SLC25A38: variants seen among roughly 807,000 people sequenced by gnomAD.
SLC25A38 encodes solute carrier family 25 member 38, also known as mitochondrial glycine transporter.
In SLC25A38, 27 loss-of-function variants were observed where a neutral mutation model predicts 33.4. The observed-to-expected ratio is 0.81, with a 90% CI of 0.60 to 1.11. The LOEUF (loss-of-function observed/expected upper bound fraction) is 1.11, where lower values mean the gene tolerates loss of function less well. Ranked by LOEUF, SLC25A38 falls within the 50% of genes most tolerant of loss-of-function variation. The pLI, the probability that SLC25A38 is intolerant of heterozygous loss-of-function variation, is 0.00. For missense variants in SLC25A38, 344 were observed against 388.8 expected (o/e 0.88, Z 0.97); for synonymous variants, 123 against 145.9 (o/e 0.84, Z 1.13).
intron 6 of SLC25A38, among the ~76,000 whole-genome samples, 164 bp downstream of exon 6, chr3:39,394,740 T>A (rs970355195): frequency 6.6e-6 from 1 of 151,564 alleles, no homozygotes; most frequent in Non-Finnish European, 1.5e-5. Flanking sequence ...CTAGTGAGAT[T>A]TTTTTTTTAA....
chr3:39,396,211 GA>G lies in SLC25A38; in HGVS notation c.793-175del, dbSNP rs34894781. ...GGCGACAGAGCCAGACTCTGCCTCG[GA>G]AAAAAAAAAAATTTTTTTTAAGTTC... On this transcript the variant is annotated intron_variant, in intron 6 of 6. Coordinates refer to ENST00000650617, the MANE Select transcript of SLC25A38 (RefSeq NM_017875.4). Among the ~76,000 whole-genome samples the G allele has an allele frequency of 0.012, 1,835 of 148,666 alleles. 37 individuals are homozygous for G. The highest frequency in any genetic ancestry group is 0.043 in the African/African-American group (1,748 of 40,510).
At chr3:39,387,369 G>A (rs1449821261) in intron 1 of SLC25A38, among the ~76,000 whole-genome samples, 1 of 152,230 alleles carries the variant, frequency 6.6e-6, no homozygotes, top group African/African-American at 2.4e-5. Flanking sequence ...TGGGAGCAGA[G>A]TGGAGGGTGG....
chr3:39,396,330 G>A (rs1575248494), intron 6 of SLC25A38, 68 bp from the exon 7 acceptor site: 3 of 1,611,256 alleles, frequency 1.9e-6, no homozygotes, highest in Admixed American at 1.7e-5. Flanking sequence ...CCTCACTGTG[G>A]TACCAAGTGG....
intron 6 of SLC25A38, among the ~76,000 whole-genome samples, chr3:39,395,452 T>TA (rs1263446409): frequency 6.6e-6 from 1 of 152,188 alleles, no homozygotes; most frequent in African/African-American, 2.4e-5. Context: ...ATACTATCCA[T>TA]AAGCCACTCT....
At chr3:39,391,684 A>G (rs2041770392) in intron 4 of SLC25A38, 64 bp downstream of exon 4, 2 of 1,609,872 alleles carry the variant, frequency 1.2e-6, no homozygotes, top group Admixed American at 3.3e-5. Context: ...CTGGGGAGTG[A>G]CCACCGATGT....
intron 6 of SLC25A38, among the ~76,000 whole-genome samples, chr3:39,395,631 A>AT (rs2041819296): frequency 6.6e-6 from 1 of 151,942 alleles, no homozygotes; most frequent in Non-Finnish European, 1.5e-5. Context: ...AGGAAGGGGC[A>AT]TTTTTTCTTT....
Position 39,396,542 on chromosome 3 carries a change from G to A in SLC25A38, c.*22G>A. 1 of 1,613,892 alleles carries A rather than the reference G, an allele frequency of 6.2e-7. No individual in the cohort carries two copies. The highest frequency in any genetic ancestry group is 1.1e-5 in the South Asian group (1 of 91,074). On this transcript the variant is annotated 3_prime_UTR_variant, in exon 7 of 7. Coordinates refer to ENST00000650617, the MANE Select transcript of SLC25A38 (RefSeq NM_017875.4). ...CTGACCAAGAGAGGACTGGGAACGG[G>A]TGAAATCTGTTGCCCTGCTTGGTTT...
Position 39,390,503 on chromosome 3 carries a change from C to A in SLC25A38, c.272C>A (p.Ser91Tyr), listed in dbSNP as rs750830601. ...ESLLGLWKGM[S>Y]PSIVRCVPGV... ...CTTTTGGGCCTTTGGAAAGGGATGTCCCCTGTAAGCTGCCATCTGGGTCTA... is the reference window on the plus strand; with the variant it reads ...CTTTTGGGCCTTTGGAAAGGGATGTACCCTGTAAGCTGCCATCTGGGTCTA... The change falls in exon 3 of 7, where the codon TCC becomes TAC. Residue 91 changes from serine to tyrosine, a missense_variant. By Grantham distance (144) the Ser-to-Tyr change is moderately radical. This residue lies in a region of SLC25A38 where 269 missense variants were observed against 271.8 expected (regional missense o/e 0.99). Coordinates refer to ENST00000650617, the MANE Select transcript of SLC25A38 (RefSeq NM_017875.4). The A allele has an allele frequency of 6.2e-7, 1 of 1,614,010 alleles. No homozygotes were observed. The highest frequency in any genetic ancestry group is 8.5e-7 in the Non-Finnish European group (1 of 1,179,998).
intron 5 of SLC25A38, among the ~76,000 whole-genome samples, 184 bp downstream of exon 5, chr3:39,392,205 T>C (rs2125580790): frequency 6.7e-6 from 1 of 149,572 alleles, no homozygotes; most frequent in East Asian, 2.0e-4. Flanking sequence ...CCCTTTGGAG[T>C]TTACATCCTA....
At position 39,391,439 on chromosome 3, in the gene SLC25A38, A is replaced by G. The variant is rs1198314410; in HGVS notation, c.277-2A>G. 1 of 1,613,352 alleles carries G rather than the reference A, an allele frequency of 6.2e-7. No individual in the cohort carries two copies. The highest frequency in any genetic ancestry group is 1.1e-5 in the South Asian group (1 of 91,042). ...TTCTTTTCTCCCTGACCTTCTCTGC[A>G]GTCCATTGTGAGATGTGTCCCTGGC... On this transcript the variant is annotated splice_acceptor_variant, in intron 3 of 6. Coordinates refer to ENST00000650617, the MANE Select transcript of SLC25A38 (RefSeq NM_017875.4). LOFTEE classifies it high-confidence loss of function.
intron 2 of SLC25A38, 120 bp from the exon 3 acceptor site, chr3:39,390,303 A>C: frequency 1.7e-4 from 161 of 957,824 alleles, no homozygotes; most frequent in Middle Eastern, 4.2e-4. Context: ...GGTGCATTGT[A>C]GAGATTGTTA....
At chr3:39,388,935 G>A (rs1228366543) in intron 1 of SLC25A38, among the ~76,000 whole-genome samples, 2 of 152,184 alleles carry the variant, frequency 1.3e-5, no homozygotes, top group African/African-American at 4.8e-5. Flanking sequence ...TGGTCTGTAG[G>A]ACTGTGTGAT....
rs1453646738 is a variant in SLC25A38 at position 39,396,918 on chromosome 3, C to A, written c.*398C>A. The stretch of plus-strand genomic sequence containing the variant: ...GAGAAGCTGTAAGCTGCCTGCCGGG[C>A]CTGAGGAGCTCCAACCAGGGAAGAC... On this transcript the variant is annotated 3_prime_UTR_variant, in exon 7 of 7. Transcript: ENST00000650617. The A allele has an allele frequency of 6.1e-6, 2 of 328,422 alleles. No homozygotes were observed. Among genetic ancestry groups the A allele is most frequent in the African/African-American group, 4.3e-5 (2 of 46,510 alleles). The allele number at this position is 328,422 out of a possible 1,614,324, so 20.3% of individuals were successfully genotyped here.
Position 39,390,406 on chromosome 3 carries a change from A to G in SLC25A38, c.192-17A>G. On this transcript the variant is annotated splice_polypyrimidine_tract_variant and intron_variant, in intron 2 of 6. Transcript: ENST00000650617. ...AAGTGATTTTTTCCTTCCTGTCTCC[A>G]TTTTGTCTGCTTTCAGGTCTAGACG... is the stretch of plus-strand genomic sequence containing the variant. 1 of 1,614,054 alleles carries G rather than the reference A, an allele frequency of 6.2e-7. No homozygotes were observed. Among genetic ancestry groups the G allele is most frequent in the Non-Finnish European group, 8.5e-7 (1 of 1,179,956 alleles).
intron 1 of SLC25A38, among the ~76,000 whole-genome samples, chr3:39,386,374 A>G (rs552124202): frequency 6.6e-6 from 1 of 152,188 alleles, no homozygotes; most frequent in Non-Finnish European, 1.5e-5. Flanking sequence ...TGAGTCCAGG[A>G]GTTTGAGACC....
intron 1 of SLC25A38, 25 bp downstream of exon 1, chr3:39,383,818 G>T (rs1028705957): frequency 1.9e-6 from 3 of 1,613,650 alleles, no homozygotes; most frequent in Non-Finnish European, 2.5e-6. Context: ...GGGAAGGAAG[G>T]GCAGGGGTCC....
rs944800288 is a variant in SLC25A38, at chr3:39,383,465, G to A, written c.-260G>A. Reference sequence around the variant, plus strand: ...GCAGGGCAGGATGGGCAGGAGAGCAGAGCCGCGGAGTCTGCGGCGCGGGTG... The same window carrying A: ...GCAGGGCAGGATGGGCAGGAGAGCAAAGCCGCGGAGTCTGCGGCGCGGGTG... On this transcript the variant is annotated 5_prime_UTR_variant, in exon 1 of 7. Coordinates refer to ENST00000650617, the MANE Select transcript of SLC25A38 (RefSeq NM_017875.4). 7.5e-6 allele frequency: 4 copies of A among 536,200 alleles called. No homozygotes were observed. Among genetic ancestry groups the A allele is most frequent in the South Asian group, 6.1e-5 (3 of 49,366 alleles). 33.2% of individuals were successfully genotyped at this position (536,200 alleles called of 1,614,324 possible).
rs1230854039 is a variant in SLC25A38 at position 39,396,781 on chromosome 3, A to C, written c.*261A>C. The C allele has an allele frequency of 9.7e-6, 5 of 515,964 alleles. No individual in the cohort carries two copies. The Admixed American group carries it at 1.6e-4, about 16-fold the overall frequency. The allele number at this position is 515,964 out of a possible 1,614,324, so 32.0% of individuals were successfully genotyped here. A position where few individuals can be genotyped will look rare whatever the true frequency, so the allele number is the denominator to read the frequency against. ...AGAGCTTTGCATACTCTGAGAGGCT[A>C]CTTGGAAAGGCATTTTCCCAGGAGA... On this transcript the variant is annotated 3_prime_UTR_variant, in exon 7 of 7. Transcript: ENST00000650617.
intron 6 of SLC25A38, among the ~76,000 whole-genome samples, chr3:39,396,143 G>A (rs1024915839): frequency 6.6e-6 from 1 of 151,958 alleles, no homozygotes; most frequent in African/African-American, 2.4e-5. Context: ...CCAGGAGGCA[G>A]AGGTTGCAGT....
Sources: allele counts gnomAD v4.1 joint callset (sites outside exome capture counted in the v4.1 genomes callset), GRCh38; gene constraint gnomAD v4.1.1; regional missense constraint gnomAD v4.1.1; transcripts MANE v1.5; gene names NCBI Gene and HGNC (gene_info 2026-07-23, HGNC 2026-07-21).